LHFPL3: variants seen among roughly 807,000 people sequenced by gnomAD.
LHFPL3 encodes the protein LHFPL tetraspan subfamily member 3 protein.
Under a neutral mutation model 19.3 loss-of-function variants are expected in LHFPL3, and 5 were observed. The observed-to-expected ratio is 0.26, with a 90% CI of 0.14 to 0.54. The LOEUF (loss-of-function observed/expected upper bound fraction) is 0.54. LHFPL3 is among the 20% of genes least tolerant of loss of function. The pLI is 0.94. For missense variants in LHFPL3, 249 were observed against 307.4 expected, an observed-to-expected ratio of 0.81 and a Z score of 1.42; for synonymous variants, 133 against 126.2, an observed-to-expected ratio of 1.05 and a Z score of -0.36.
At chr7:104,592,017 T>C (rs1473338218) in intron 1 of LHFPL3, among the ~76,000 whole-genome samples, 3 of 152,188 alleles carry the variant, frequency 2.0e-5, no homozygotes, top group Admixed American at 6.5e-5. Flanking sequence ...GCCATTCGTC[T>C]AATCTTTTTT....
intron 1 of LHFPL3, among the ~76,000 whole-genome samples, chr7:104,731,216 T>A (rs1460248303): frequency 1.3e-5 from 2 of 152,204 alleles, no homozygotes; most frequent in Non-Finnish European, 2.9e-5. Context: ...TAGGATTGAC[T>A]TGGCGATGTG....
intron 1 of LHFPL3, among the ~76,000 whole-genome samples, chr7:104,690,888 C>T (rs1270571932): frequency 6.6e-6 from 1 of 152,230 alleles, no homozygotes; most frequent in Non-Finnish European, 1.5e-5. Flanking sequence ...TGCTCTGCCA[C>T]TTGGGCCATA....
At chr7:104,905,813 G>A (rs1450180487) in intron 2 of LHFPL3, among the ~76,000 whole-genome samples, 8 of 152,174 alleles carry the variant, frequency 5.3e-5, no homozygotes, top group African/African-American at 1.9e-4. Context: ...ATAATGTTGA[G>A]TTCAAATAAA....
chr7:104,585,407 A>G (rs777416424), intron 1 of LHFPL3, among the ~76,000 whole-genome samples: 3 of 150,912 alleles, frequency 2.0e-5, no homozygotes, highest in Non-Finnish European at 4.4e-5. Flanking sequence ...CATCACTTTT[A>G]TCCACAGCCA....
intron 2 of LHFPL3, among the ~76,000 whole-genome samples, chr7:104,811,166 C>CTTTCTTTCTTTTCT (rs1554346771): frequency 2.2e-4 from 4 of 18,026 alleles, no homozygotes; most frequent in African/African-American, 2.5e-4. Flanking sequence ...TTCTTTCTTT[C>CTTTCTTTCTTTTCT]TTTCTTTTCT....
At chr7:104,427,917 C>G (rs527762291) in intron 1 of LHFPL3, among the ~76,000 whole-genome samples, 1 of 152,178 alleles carries the variant, frequency 6.6e-6, no homozygotes, top group African/African-American at 2.4e-5. Flanking sequence ...GAAATATCAC[C>G]GGCAGTCCCA....
intron 1 of LHFPL3, among the ~76,000 whole-genome samples, chr7:104,609,262 C>CAA (rs1436333060): frequency 7.6e-6 from 1 of 131,596 alleles, no homozygotes; most frequent in African/African-American, 2.8e-5. Context: ...AAGATGCTGT[C>CAA]AAAAAAAAAA....
At chr7:104,761,004 G>A (rs1172850977) in intron 2 of LHFPL3, among the ~76,000 whole-genome samples, 2 of 151,744 alleles carry the variant, frequency 1.3e-5, no homozygotes, top group Admixed American at 6.6e-5. Flanking sequence ...AGACCCAGGT[G>A]TGCTAACTGG....
intron 1 of LHFPL3, among the ~76,000 whole-genome samples, chr7:104,440,434 G>A (rs1792202131): frequency 6.6e-6 from 1 of 151,060 alleles, no homozygotes; most frequent in African/African-American, 2.4e-5. Context: ...GGAGTGGGGA[G>A]GGATAGCATT....
intron 2 of LHFPL3, among the ~76,000 whole-genome samples, chr7:104,777,079 G>A (rs1794647591): frequency 6.6e-6 from 1 of 152,164 alleles, no homozygotes; most frequent in Admixed American, 6.5e-5. Context: ...CAAGATGCCT[G>A]GAACACAGGA....
At chr7:104,420,804 C>T (rs111530657) in intron 1 of LHFPL3, among the ~76,000 whole-genome samples, 10,028 of 151,942 alleles carry the variant, frequency 0.066, 1,109 homozygotes, top group African/African-American at 0.23. Context: ...CCTCGTGATC[C>T]GCCCATCTCG....
At position 104,889,392 on chromosome 7, in the gene LHFPL3, C is replaced by A. The variant is rs576904580; in HGVS notation, c.683-16795C>A. Reference sequence around the variant, plus strand: ...TGGTGGCTCACGCCTGTACTCCCAGCACTTTGGGAGGCCGAGGCAGGTGGA... The same window carrying A: ...TGGTGGCTCACGCCTGTACTCCCAGAACTTTGGGAGGCCGAGGCAGGTGGA... On this transcript the variant is annotated intron_variant, in intron 2 of 2. Coordinates refer to ENST00000424859, the MANE Select transcript of LHFPL3 (RefSeq NM_199000.3). Among the ~76,000 whole-genome samples the A allele has an allele frequency of 3.9e-5, 6 of 152,314 alleles. No homozygotes were observed. The South Asian group carries it at 1.2e-3, about 32-fold the overall frequency.
At chr7:104,640,788 A>G (rs1189390295) in intron 1 of LHFPL3, among the ~76,000 whole-genome samples, 2 of 152,198 alleles carry the variant, frequency 1.3e-5, no homozygotes, top group African/African-American at 4.8e-5. Flanking sequence ...CTCATTTACA[A>G]GAGTTTACAT....
intron 1 of LHFPL3, among the ~76,000 whole-genome samples, chr7:104,644,677 G>A (rs1422522427): frequency 6.6e-6 from 1 of 152,112 alleles, no homozygotes; most frequent in Admixed American, 6.5e-5. Flanking sequence ...CTTAGCTGTG[G>A]AGCTGTGAGG....
chr7:104,457,786 G>T lies in LHFPL3; in HGVS notation c.445+128562G>T, dbSNP rs549537741. Among the ~76,000 whole-genome samples, 286 of 142,340 alleles carry T rather than the reference G, an allele frequency of 2.0e-3. 4 individuals carry two copies. The highest frequency in any genetic ancestry group is 7.2e-3 in the African/African-American group (271 of 37,448). The allele number at this position is 142,340 out of a possible 152,430, so 93.4% of individuals were successfully genotyped here. A position where few individuals can be genotyped will look rare whatever the true frequency, so the allele number is the denominator to read the frequency against. The stretch of plus-strand genomic sequence containing the variant: ...TCCTCTCCAGCACCTGTTGTTTCCT[G>T]ACTTTTTAATGATTGCCATTCTAAC... On this transcript the variant is annotated intron_variant, in intron 1 of 2. Transcript: ENST00000424859.
rs1303128697 is a variant in LHFPL3 at position 104,822,167 on chromosome 7, A to AG, written c.683-84018dup. On this transcript the variant is annotated intron_variant, in intron 2 of 2. Coordinates refer to ENST00000424859, the MANE Select transcript of LHFPL3 (RefSeq NM_199000.3). ...GTTTGAAACCGGTTTCAATAGCCCA[A>AG]GGTTCATACTGTGTTCCAGAAGTGA... Among the ~76,000 whole-genome samples, 10 of 152,310 alleles carry AG rather than the reference A, an allele frequency of 6.6e-5. No individual in the cohort carries two copies. In the East Asian group the frequency reaches 1.9e-3, roughly 29 times the overall value.
chr7:104,907,318 C>A lies in LHFPL3; in HGVS notation c.*1103C>A, dbSNP rs1411430174. 1 of 151,644 alleles carries A rather than the reference C, an allele frequency of 6.6e-6. No individual in the cohort carries two copies. The highest frequency in any genetic ancestry group is 2.4e-5 in the African/African-American group (1 of 41,066). The allele number at this position is 151,644 out of a possible 1,614,324, so 9.4% of individuals were successfully genotyped here. On this transcript the variant is annotated 3_prime_UTR_variant, in exon 3 of 3. Transcript: ENST00000424859. ...AACAAAATAAATAATAATTTAATAGCCTTAGAAATAAATGACTGTATACTT... is the reference window on the plus strand; with the variant it reads ...AACAAAATAAATAATAATTTAATAGACTTAGAAATAAATGACTGTATACTT...
At chr7:104,827,489 G>T (rs1325605900) in intron 2 of LHFPL3, among the ~76,000 whole-genome samples, 1 of 151,864 alleles carries the variant, frequency 6.6e-6, no homozygotes, top group African/African-American at 2.4e-5. Flanking sequence ...CCTAGTTCAG[G>T]TAATGGCCTG....
intron 1 of LHFPL3, among the ~76,000 whole-genome samples, chr7:104,723,464 G>A (rs1373313860): frequency 6.6e-6 from 1 of 152,084 alleles, no homozygotes; most frequent in Non-Finnish European, 1.5e-5. Flanking sequence ...GCTCACGCCT[G>A]TAATCCCAGC....
Sources: allele counts gnomAD v4.1 joint callset (sites outside exome capture counted in the v4.1 genomes callset), GRCh38; gene constraint gnomAD v4.1.1; transcripts MANE v1.5; gene names NCBI Gene and HGNC (gene_info 2026-07-23, HGNC 2026-07-21).